Variants in DCUN1D1 observed in about 807,000 individuals in gnomAD.
DCUN1D1 encodes the protein defective in cullin neddylation 1 domain containing 1.
DCUN1D1 carries 3 observed loss-of-function variants against 39.0 expected under a neutral mutation model. The observed-to-expected ratio is 0.08, with a 90% CI of 0.04 to 0.20. The LOEUF is 0.20. Among genes scored for constraint, DCUN1D1 ranks in the 10% least tolerant of loss-of-function variants. The pLI, the probability that DCUN1D1 is intolerant of heterozygous loss-of-function variation, is 1.00. For synonymous variants in DCUN1D1, 82 were observed against 96.3 expected (o/e 0.85, Z 0.87); for missense variants, 158 against 302.4 (o/e 0.52, Z 3.54).
chr3:182,964,065 T>G lies in DCUN1D1; in HGVS notation c.221-16A>C. On this transcript the variant is annotated splice_polypyrimidine_tract_variant and intron_variant, in intron 2 of 6. Coordinates refer to ENST00000292782, the MANE Select transcript of DCUN1D1 (RefSeq NM_020640.4). ...TCTTGAGGGTCTTTAAAAATAACAA[T>G]GCAATATTAAAGTAGTGTCATATTA... 5 of 1,599,146 alleles carry G rather than the reference T, an allele frequency of 3.1e-6. No individual in the cohort carries two copies. Among genetic ancestry groups the G allele is most frequent in the Non-Finnish European group, 4.3e-6 (5 of 1,169,508 alleles).
chr3:182,979,609 C>CA (rs1728421014), intron 1 of DCUN1D1, among the ~76,000 whole-genome samples: 1 of 148,742 alleles, frequency 6.7e-6, no homozygotes, highest in Non-Finnish European at 1.5e-5. Context: ...TTCCCCCCCC[C>CA]AAACAAAAAA....
chr3:182,955,461 GAT>G, intron 4 of DCUN1D1: 1 of 540,134 alleles, frequency 1.9e-6, no homozygotes, highest in South Asian at 1.4e-5. Flanking sequence ...CACGTTATGA[GAT>G]AAGAATCCTC....
chr3:182,961,751 T>C (rs1727409755), intron 3 of DCUN1D1, among the ~76,000 whole-genome samples: 1 of 152,174 alleles, frequency 6.6e-6, no homozygotes. Context: ...CTATCTAAAT[T>C]AACTAAAAGT....
Position 182,940,267 on chromosome 3 carries a change from A to C in DCUN1D1, c.*4827T>G, listed in dbSNP as rs1012033935. On this transcript the variant is annotated 3_prime_UTR_variant, in exon 7 of 7. Transcript: ENST00000292782. ...ATATTTCATAACCTGAAATAAAATT[A>C]TAATATTCATATGAACATGCATTTG... is the stretch of plus-strand genomic sequence containing the variant. 10 of 152,202 alleles carry C rather than the reference A, an allele frequency of 6.6e-5. No individual in the cohort carries two copies. The highest frequency in any genetic ancestry group is 2.4e-4 in the African/African-American group (10 of 41,460). The allele number at this position is 152,202 out of a possible 1,614,324, so 9.4% of individuals were successfully genotyped here. A position where few individuals can be genotyped will look rare whatever the true frequency, so the allele number is the denominator to read the frequency against.
In DCUN1D1 at chr3:182,940,038, T is replaced by C. The variant is rs1202640148; in HGVS notation, c.*5056A>G. The C allele has an allele frequency of 6.6e-6, 1 of 152,216 alleles. No individual in the cohort carries two copies. Among genetic ancestry groups the C allele is most frequent in the Non-Finnish European group, 1.5e-5 (1 of 68,026 alleles). 9.4% of individuals were successfully genotyped at this position (152,216 alleles called of 1,614,324 possible). A position where few individuals can be genotyped will look rare whatever the true frequency, so the allele number is the denominator to read the frequency against. ...AAGTACACCCATCTCTAAATCTTAC[T>C]GATTAAATATTGCTCTTTTAGCTAT... On this transcript the variant is annotated 3_prime_UTR_variant, in exon 7 of 7. Transcript: ENST00000292782.
chr3:182,979,594 A>AC (rs1436783601), intron 1 of DCUN1D1, among the ~76,000 whole-genome samples: 14 of 25,570 alleles, frequency 5.5e-4, no homozygotes, highest in Non-Finnish European at 7.8e-4. Flanking sequence ...CCTGGAGAGG[A>AC]CTTTTTCCCC....
chr3:182,952,159 C>T, intron 4 of DCUN1D1, among the ~76,000 whole-genome samples: 1 of 152,286 alleles, frequency 6.6e-6, no homozygotes, highest in East Asian at 1.9e-4. Flanking sequence ...CTTATGTCCT[C>T]TCTGCCTTAT....
At chr3:182,964,700 G>C (rs2108377562) in intron 2 of DCUN1D1, among the ~76,000 whole-genome samples, 1 of 147,904 alleles carries the variant, frequency 6.8e-6, no homozygotes, top group East Asian at 2.0e-4. Context: ...GAGTGCAGTG[G>C]CATGATCTTA....
intron 6 of DCUN1D1, 57 bp from the exon 7 acceptor site, chr3:182,945,230 C>T: frequency 1.5e-6 from 2 of 1,366,848 alleles, no homozygotes; most frequent in Non-Finnish European, 2.0e-6. Context: ...AGAAATAAGG[C>T]TAACATTTTA....
upstream of DCUN1D1, among the ~76,000 whole-genome samples, chr3:182,982,220 C>T (rs1009513067): frequency 6.6e-6 from 1 of 152,184 alleles, no homozygotes; most frequent in Non-Finnish European, 1.5e-5. Flanking sequence ...CCACCTTCTC[C>T]TGCATCTCCT....
rs192147858 is a variant in DCUN1D1, at chr3:182,961,360, C to T, written c.390-4G>A. 3.6e-4 allele frequency: 569 copies of T among 1,580,658 alleles called. 2 individuals are homozygous for T. In the African/African-American group the frequency reaches 7.3e-3, roughly 20 times the overall value. On this transcript the variant is annotated splice_region_variant and splice_polypyrimidine_tract_variant and intron_variant, in intron 3 of 6. Coordinates refer to ENST00000292782, the MANE Select transcript of DCUN1D1 (RefSeq NM_020640.4). ...TAGTTTTTCTATGCTGTCACATCTG[C>T]GTCGTAAAATTAAGTTTATAAAAGA... is the stretch of plus-strand genomic sequence containing the variant.
rs764804345 is a variant in DCUN1D1, at chr3:182,938,569, G to C, written c.*6525C>G. 7 of 152,128 alleles carry C rather than the reference G, an allele frequency of 4.6e-5. No homozygotes were observed. The highest frequency in any genetic ancestry group is 1.0e-4 in the Non-Finnish European group (7 of 68,024). 9.4% of individuals were successfully genotyped at this position (152,128 alleles called of 1,614,324 possible). A position where few individuals can be genotyped will look rare whatever the true frequency, so the allele number is the denominator to read the frequency against. Reference sequence around the variant, plus strand: ...GGGGTTCAAAGATGAATGGCATTTAGATAAATCAAGATTGGCCATGGATTG... The same window carrying C: ...GGGGTTCAAAGATGAATGGCATTTACATAAATCAAGATTGGCCATGGATTG... On this transcript the variant is annotated 3_prime_UTR_variant, in exon 7 of 7. Coordinates refer to ENST00000292782, the MANE Select transcript of DCUN1D1 (RefSeq NM_020640.4).
chr3:182,980,647 A>T, upstream of DCUN1D1: 1 of 939,988 alleles, frequency 1.1e-6, no homozygotes, highest in Non-Finnish European at 1.3e-6. Flanking sequence ...GACCTCGGGG[A>T]GGCGGAGGGA....
intron 6 of DCUN1D1, 36 bp downstream of exon 6, chr3:182,947,202 A>G (rs1329722040): frequency 1.6e-6 from 2 of 1,232,728 alleles, no homozygotes; most frequent in African/African-American, 3.0e-5. Context: ...AAAAAGGCAC[A>G]TTAAAAAAAA....
At position 182,940,083 on chromosome 3, in the gene DCUN1D1, C is replaced by T. The variant is rs979375310; in HGVS notation, c.*5011G>A. 2 of 152,090 alleles carry T rather than the reference C, an allele frequency of 1.3e-5. No homozygotes were observed. The highest frequency in any genetic ancestry group is 2.9e-5 in the Non-Finnish European group (2 of 68,002). The allele number at this position is 152,090 out of a possible 1,614,324, so 9.4% of individuals were successfully genotyped here. A position where few individuals can be genotyped will look rare whatever the true frequency, so the allele number is the denominator to read the frequency against. ...AGCTATAAGTCATGTAATTATGTGA[C>T]AAAATCACTGTTAACGATTTAATTA... On this transcript the variant is annotated 3_prime_UTR_variant, in exon 7 of 7. Coordinates refer to ENST00000292782, the MANE Select transcript of DCUN1D1 (RefSeq NM_020640.4).
chr3:182,985,813 A>C (rs1239658758), intron 1 of DCUN1D1: 1 of 152,188 alleles, frequency 6.6e-6, no homozygotes, highest in East Asian at 1.9e-4. Context: ...GAAAATGGGA[A>C]TATTCACCAG....
rs767396044 is a variant in DCUN1D1, at chr3:182,963,863, T to C, written c.389+18A>G. 5 of 1,547,992 alleles carry C rather than the reference T, an allele frequency of 3.2e-6. No individual in the cohort carries two copies. The Admixed American group carries it at 7.2e-5, about 22-fold the overall frequency. ...CCACAGTAACATATCTAATTTCCTA[T>C]TGTAATTATATACTCACCCTAATTC... On this transcript the variant is annotated intron_variant, in intron 3 of 6. Transcript: ENST00000292782.
At chr3:182,980,127 G>T (rs895998819) in intron 1 of DCUN1D1, 2 of 942,650 alleles carry the variant, frequency 2.1e-6, no homozygotes, top group African/African-American at 3.6e-5. Flanking sequence ...CCGGCAGAGG[G>T]GCAGGGGCAA....
intron 1 of DCUN1D1, among the ~76,000 whole-genome samples, chr3:182,966,941 T>C (rs1289380179): frequency 6.6e-6 from 1 of 151,938 alleles, no homozygotes; most frequent in African/African-American, 2.4e-5. Flanking sequence ...ACCCCGTCTC[T>C]ACTAAAAATA....
Sources: gnomAD v4.1 joint callset for allele counts (sites outside exome capture counted in the v4.1 genomes callset) on GRCh38, gnomAD v4.1.1 for gene constraint, MANE v1.5 for transcripts, NCBI Gene and HGNC (gene_info 2026-07-23, HGNC 2026-07-21) for gene names.